NADSYN1: variants seen among roughly 807,000 people sequenced by gnomAD.
NADSYN1 encodes the protein glutamine-dependent NAD(+) synthetase.
In NADSYN1, 80 loss-of-function variants were observed where a neutral mutation model predicts 99.3. The observed-to-expected ratio is 0.81, with a 90% CI of 0.67 to 0.97. NADSYN1 has a LOEUF of 0.97. Ranked by LOEUF, NADSYN1 falls within the 50% of genes least tolerant of loss-of-function variation. The probability of loss-of-function intolerance (pLI) is 0.00; values close to 1 mark genes in which losing one functional copy is unlikely to be tolerated. For missense variants in NADSYN1, 859 were observed against 948.5 expected, an observed-to-expected ratio of 0.91 and a Z score of 1.24; for synonymous variants, 385 against 372.1, an observed-to-expected ratio of 1.03 and a Z score of -0.40.
intron 5 of NADSYN1, among the ~76,000 whole-genome samples, chr11:71,467,138 T>G (rs1256695045): frequency 6.6e-6 from 1 of 152,182 alleles, no homozygotes; most frequent in African/African-American, 2.4e-5. Flanking sequence ...AGATGTTGCC[T>G]AGAAATTGAC....
chr11:71,456,653 C>T (rs1462315079), intron 2 of NADSYN1, among the ~76,000 whole-genome samples: 2 of 152,234 alleles, frequency 1.3e-5, no homozygotes, highest in Admixed American at 6.5e-5. Context: ...ACATCCACCT[C>T]TCTCTTTCCT....
chr11:71,476,010 G>A (rs942897602), intron 9 of NADSYN1: 22 of 455,888 alleles, frequency 4.8e-5, no homozygotes, highest in Non-Finnish European at 7.9e-5. Context: ...CACCGCACCC[G>A]GCCTCTCTTT....
In NADSYN1 at chr11:71,476,304, C is replaced by T. The variant is rs987026634; in HGVS notation, c.798+1778C>T. On this transcript the variant is annotated intron_variant, in intron 9 of 20. Coordinates refer to ENST00000319023, the MANE Select transcript of NADSYN1 (RefSeq NM_018161.5). ...CCGAGGCAGGCGGTAGCACCGGAGG[C>T]GAGTTCTGCAGCTGGCTTTGCAGGA... The T allele has an allele frequency of 9.8e-5, 35 of 356,448 alleles. 1 individual carries two copies. In the Admixed American group the frequency reaches 1.1e-3, roughly 11 times the overall value. 22.1% of individuals were successfully genotyped at this position (356,448 alleles called of 1,614,324 possible).
rs768016176 is a variant in NADSYN1 at position 71,473,579 on chromosome 11, G to A, written c.559G>A (p.Asp187Asn). 9 of 1,610,330 alleles carry A rather than the reference G, an allele frequency of 5.6e-6. No individual in the cohort carries two copies. Among genetic ancestry groups the A allele is most frequent in the Admixed American group, 3.3e-5 (2 of 59,872 alleles). ...TGCCTCTGCCTGCAGCCCGCACATC[G>A]ACATGGGCCTGGATGGCGTGGAGAT... ...ELWTPHSPHI[D>N]MGLDGVEIIT... Residue 187 changes from aspartate to asparagine, a missense_variant, in exon 8 of 21, where the codon GAC (aspartate) becomes AAC (asparagine). Coordinates refer to ENST00000319023, the MANE Select transcript of NADSYN1 (RefSeq NM_018161.5).
At chr11:71,464,867 CAAAA>C (rs926724365) in intron 5 of NADSYN1, among the ~76,000 whole-genome samples, 70 of 40,506 alleles carry the variant, frequency 1.7e-3, no homozygotes, top group African/African-American at 5.7e-3. Flanking sequence ...GACTCTGTCT[CAAAA>C]AAAAAAAAAA....
chr11:71,481,251 C>T lies in NADSYN1; in HGVS notation c.999-105C>T, dbSNP rs1267008536. 1.0e-5 allele frequency: 12 copies of T among 1,154,042 alleles called. No homozygotes were observed. The East Asian group carries it at 1.2e-4, about 11-fold the overall frequency. 71.5% of individuals were successfully genotyped at this position (1,154,042 alleles called of 1,614,324 possible). A position where few individuals can be genotyped will look rare whatever the true frequency, so the allele number is the denominator to read the frequency against. ...AGAGACGGGCGTCCTGAGAGCCCAGCGTTGACTCTGGCACTGCAGCCTCCT... is the reference window on the plus strand; with the variant it reads ...AGAGACGGGCGTCCTGAGAGCCCAGTGTTGACTCTGGCACTGCAGCCTCCT... On this transcript the variant is annotated intron_variant, in intron 11 of 20. Coordinates refer to ENST00000319023, the MANE Select transcript of NADSYN1 (RefSeq NM_018161.5).
At position 71,461,275 on chromosome 11, in the gene NADSYN1, G is replaced by A. The variant is rs149809237; in HGVS notation, c.264-2157G>A. Among the ~76,000 whole-genome samples, 10 of 152,188 alleles carry A rather than the reference G, an allele frequency of 6.6e-5. No homozygotes were observed. In the South Asian group the frequency reaches 8.3e-4, roughly 13 times the overall value. Reference sequence around the variant, plus strand: ...CTCCACTTAGAGATCAGATATTCACGGAGGGCCCGTATTTTATTTAAAACA... The same window carrying A: ...CTCCACTTAGAGATCAGATATTCACAGAGGGCCCGTATTTTATTTAAAACA... On this transcript the variant is annotated intron_variant, in intron 3 of 20. Transcript: ENST00000319023.
At chr11:71,455,457 G>T in intron 2 of NADSYN1, 1 of 413,118 alleles carries the variant, frequency 2.4e-6, no homozygotes, top group Non-Finnish European at 4.3e-6. Context: ...CTTTTGCTGT[G>T]GTCTGAATGT....
rs1313533072 is a variant in NADSYN1 at position 71,480,808 on chromosome 11, C to T, written c.927C>T (p.Cys309=). 9.3e-6 allele frequency: 15 copies of T among 1,614,056 alleles called. No individual in the cohort carries two copies. The highest frequency in any genetic ancestry group is 1.6e-4 in the Middle Eastern group (1 of 6,084). ...PRVKVDFALS[C]HEDLLAPISE... ...TGAAGGTGGACTTTGCCCTCTCGTGCCACGAGGACTTGCTGGCACCCATCT... is the reference window on the plus strand; with the variant it reads ...TGAAGGTGGACTTTGCCCTCTCGTGTCACGAGGACTTGCTGGCACCCATCT... The change falls in exon 11 of 21, where the codon TGC becomes TGT. Residue 309 remains cysteine, a synonymous_variant. Transcript: ENST00000319023.
chr11:71,479,361 GT>G (rs1258062226), intron 10 of NADSYN1: 1 of 151,608 alleles, frequency 6.6e-6, no homozygotes, highest in Admixed American at 6.6e-5. Context: ...CTCCCAAAGT[GT>G]TGGAATTACA....
chr11:71,501,230 T>C, intron 20 of NADSYN1, 72 bp from the exon 21 acceptor site: 2 of 1,366,694 alleles, frequency 1.5e-6, no homozygotes, highest in Non-Finnish European at 1.9e-6. Flanking sequence ...CCGCTTTTGG[T>C]GCGTGCCAGT....
chr11:71,494,785 C>T lies in NADSYN1; in HGVS notation c.1765-2698C>T, dbSNP rs1949808790. Among the ~76,000 whole-genome samples, 3 of 152,132 alleles carry T rather than the reference C, an allele frequency of 2.0e-5. No individual in the cohort carries two copies. In the South Asian group the frequency reaches 6.2e-4, roughly 32 times the overall value. ...GGTCAGGCTGGTGTCGAACTCCCGACCTCAGGTGATCCACCCACCTCGGCC... is the reference window on the plus strand; with the variant it reads ...GGTCAGGCTGGTGTCGAACTCCCGATCTCAGGTGATCCACCCACCTCGGCC... On this transcript the variant is annotated intron_variant, in intron 18 of 20. Transcript: ENST00000319023.
At chr11:71,481,196 A>G (rs1949704734) in intron 11 of NADSYN1, 160 bp from the exon 12 acceptor site, 1 of 749,182 alleles carries the variant, frequency 1.3e-6, no homozygotes, top group South Asian at 1.6e-5. Flanking sequence ...TCAGAATCAC[A>G]TGTGTCCCTT....
intron 2 of NADSYN1, among the ~76,000 whole-genome samples, chr11:71,458,175 TAGAG>T (rs1426465539): frequency 3.3e-5 from 5 of 152,302 alleles, no homozygotes; most frequent in Middle Eastern, 3.4e-3. Flanking sequence ...CACTTCCTGA[TAGAG>T]AGAGAGTTTT....
chr11:71,487,110 C>T (rs112249558), intron 16 of NADSYN1, among the ~76,000 whole-genome samples: 4 of 152,324 alleles, frequency 2.6e-5, no homozygotes, highest in East Asian at 1.9e-4. Flanking sequence ...TGCCTGTCTG[C>T]AGATGTGTTC....
intron 5 of NADSYN1, among the ~76,000 whole-genome samples, chr11:71,467,763 C>T (rs957441983): frequency 1.3e-5 from 2 of 152,044 alleles, no homozygotes; most frequent in African/African-American, 4.8e-5. Flanking sequence ...GAATTCTTGT[C>T]TCAGAAGGAG....
intron 18 of NADSYN1, among the ~76,000 whole-genome samples, chr11:71,496,159 C>G (rs4944998): frequency 0.76 from 115,671 of 152,032 alleles, 46,027 homozygotes; most frequent in Non-Finnish European, 0.9. Flanking sequence ...GAGCTACTGT[C>G]ACTAATGACC....
In NADSYN1 at chr11:71,498,366, G is replaced by A. The variant is rs140194901; in HGVS notation, c.1908G>A (p.Val636=). The part of the protein sequence containing the change: ...ICTPRQVADK[V]KRFFSKYSMN... ...ACGCCCACCAGGTCGCTGACAAAGT[G>A]AAGCGGTTTTTCTCCAAGTACTCCA... Residue 636 remains valine (V), a synonymous_variant, in exon 20 of 21, where the codon GTG becomes GTA. Coordinates refer to ENST00000319023, the MANE Select transcript of NADSYN1 (RefSeq NM_018161.5). 22 of 1,614,206 alleles carry A rather than the reference G, an allele frequency of 1.4e-5. No homozygotes were observed. The highest frequency in any genetic ancestry group is 1.9e-5 in the Non-Finnish European group (22 of 1,180,032).
intron 16 of NADSYN1, among the ~76,000 whole-genome samples, chr11:71,488,038 C>T (rs1459333625): frequency 1.3e-5 from 2 of 152,052 alleles, no homozygotes; most frequent in Admixed American, 6.6e-5. Flanking sequence ...TCCTTCTCTT[C>T]CTCTGTGTTC....
Sources: gnomAD v4.1 joint callset for allele counts (sites outside exome capture counted in the v4.1 genomes callset) on GRCh38, gnomAD v4.1.1 for gene constraint, MANE v1.5 for transcripts, NCBI Gene and HGNC (gene_info 2026-07-23, HGNC 2026-07-21) for gene names.